Variants in LIG1 observed in about 807,000 individuals in gnomAD.
LIG1 encodes ligase I, DNA, ATP-dependent.
In LIG1, 70 loss-of-function variants were observed where a neutral mutation model predicts 115.7. That is an observed-to-expected ratio of 0.60 (90% CI 0.50 to 0.74). LIG1 has a LOEUF of 0.74. LIG1 is among the 30% of genes least tolerant of loss of function. The pLI is 0.00. For missense variants in LIG1, 1,115 were observed against 1,225.6 expected, an observed-to-expected ratio of 0.91 and a Z score of 1.35; for synonymous variants, 487 against 495.3, an observed-to-expected ratio of 0.98 and a Z score of 0.22.
chr19:48,131,681 C>T (rs1275251505), intron 18 of LIG1, among the ~76,000 whole-genome samples: 2 of 152,116 alleles, frequency 1.3e-5, no homozygotes, highest in East Asian at 1.9e-4. Context: ...TCAGGTGATC[C>T]GCCCACCTTA....
intron 6 of LIG1, among the ~76,000 whole-genome samples, 183 bp downstream of exon 6, chr19:48,153,684 ACACAC>A (rs2035622662): frequency 8.4e-6 from 1 of 118,968 alleles, no homozygotes; most frequent in Admixed American, 8.2e-5. Flanking sequence ...ACACACACAC[ACACAC>A]ACCTCTCCTT....
chr19:48,126,761 T>G (rs251699), intron 21 of LIG1, among the ~76,000 whole-genome samples: 42,496 of 148,942 alleles, frequency 0.29, 6,652 homozygotes, highest in East Asian at 0.53. Flanking sequence ...TTTTTTTTTT[T>G]GAATAGACAC....
rs1211879309 is a variant in LIG1, at chr19:48,122,473, C to T, written c.2232+461G>A. The T allele has an allele frequency of 7.7e-6, 2 of 259,442 alleles. No individual in the cohort carries two copies. Among genetic ancestry groups the T allele is most frequent in the South Asian group, 4.6e-5 (1 of 21,550 alleles). The allele number at this position is 259,442 out of a possible 1,614,324, so 16.1% of individuals were successfully genotyped here. A position where few individuals can be genotyped will look rare whatever the true frequency, so the allele number is the denominator to read the frequency against. On this transcript the variant is annotated intron_variant, in intron 23 of 27. Transcript: ENST00000263274. The surrounding 1 kb of genome is among the most constrained non-coding windows in gnomAD (Gnocchi z 4.3). ...TGCTCCTCCCTCAGGGTCTCTGCAC[C>T]GGGGGTTTTCCTCCCTAGTGCTCTG...
At chr19:48,130,823 T>C (rs1046332754) in intron 19 of LIG1, among the ~76,000 whole-genome samples, 5 of 152,134 alleles carry the variant, frequency 3.3e-5, no homozygotes, top group African/African-American at 1.2e-4. Flanking sequence ...GGGATAGAGG[T>C]AGCGATAAGC....
Position 48,165,625 on chromosome 19 carries a change from T to C in LIG1, c.-57-2A>G, listed in dbSNP as rs1429193455. 1 of 1,612,906 alleles carries C rather than the reference T, an allele frequency of 6.2e-7. No individual in the cohort carries two copies. The highest frequency in any genetic ancestry group is 1.7e-5 in the Admixed American group (1 of 59,966). On this transcript the variant is annotated splice_acceptor_variant, in intron 1 of 5. Coordinates refer to the LIG1 transcript ENST00000593425. LOFTEE classifies it low-confidence loss of function (5UTR_SPLICE). ...CTTTTCTTCGTCTGTCAGCTGCTCC[T>C]GGAACAGAAATCCAAACACTTGTTG...
intron 2 of LIG1, among the ~76,000 whole-genome samples, chr19:48,163,225 AT>A (rs34148826): frequency 0.48 from 71,396 of 148,296 alleles, 17,221 homozygotes; most frequent in East Asian, 0.68. Flanking sequence ...GCCTAAAAAA[AT>A]TTTTTTTTTT....
chr19:48,127,879 C>T, intron 20 of LIG1, 31 bp downstream of exon 20: 1 of 1,560,838 alleles, frequency 6.4e-7, no homozygotes, highest in Non-Finnish European at 8.8e-7. Flanking sequence ...AAGTACGGGG[C>T]CTTGGCAGGC....
At chr19:48,140,593 G>T (rs985269732) in intron 11 of LIG1, among the ~76,000 whole-genome samples, 2 of 152,162 alleles carry the variant, frequency 1.3e-5, no homozygotes, top group Non-Finnish European at 2.9e-5. Context: ...AGGTTTAGGG[G>T]TCACGCAGCC....
At chr19:48,138,449 G>A (rs566067965) in intron 12 of LIG1, among the ~76,000 whole-genome samples, 1 of 152,348 alleles carries the variant, frequency 6.6e-6, no homozygotes, top group East Asian at 1.9e-4. Flanking sequence ...ATGCTCAGCC[G>A]CGGCACAGAG....
chr19:48,164,695 T>C (rs1328026314), intron 2 of LIG1, among the ~76,000 whole-genome samples: 1 of 152,182 alleles, frequency 6.6e-6, no homozygotes, highest in Non-Finnish European at 1.5e-5. Flanking sequence ...GGAGGAAGTT[T>C]TGGCAACTGG....
intron 20 of LIG1, 158 bp from the exon 21 acceptor site, chr19:48,127,506 G>A (rs156640): frequency 1.9e-5 from 13 of 688,126 alleles, no homozygotes; most frequent in Non-Finnish European, 2.6e-5. Context: ...GTGCTGGATC[G>A]TTAACGGCTC....
At chr19:48,134,792 C>G (rs559896638) in intron 16 of LIG1, among the ~76,000 whole-genome samples, 15 of 152,368 alleles carry the variant, frequency 9.8e-5, no homozygotes, top group Middle Eastern at 3.4e-3. Flanking sequence ...GCTTGCTGCC[C>G]GGGCCTGTTC....
chr19:48,127,416 C>G, intron 20 of LIG1, 68 bp from the exon 21 acceptor site: 2 of 1,372,462 alleles, frequency 1.5e-6, no homozygotes, highest in Non-Finnish European at 2.0e-6. Context: ...CTGAGGCCGA[C>G]AGCATTCATC....
At chr19:48,120,815 CAA>C (rs1036020999) in intron 24 of LIG1, 7 of 576,760 alleles carry the variant, frequency 1.2e-5, no homozygotes, top group Non-Finnish European at 1.4e-5. Flanking sequence ...AATGTGGGGA[CAA>C]AAAAAAATGT....
At position 48,123,066 on chromosome 19, in the gene LIG1, G is replaced by T. The variant is rs369719038; in HGVS notation, c.2150-50C>A. ...CCTTGGGAAGCCCTGGCTCACAAGC[G>T]CCGGAGCAGGCAGGATTCTGGTCAA... On this transcript the variant is annotated intron_variant, in intron 22 of 27. Coordinates refer to ENST00000263274, the MANE Select transcript of LIG1 (RefSeq NM_000234.3). 6 of 1,610,400 alleles carry T rather than the reference G, an allele frequency of 3.7e-6. No homozygotes were observed. In the African/African-American group the frequency reaches 8.0e-5, roughly 22 times the overall value.
intron 6 of LIG1, among the ~76,000 whole-genome samples, chr19:48,153,167 C>T (rs114621875): frequency 0.028 from 4,059 of 146,306 alleles, 131 homozygotes; most frequent in Middle Eastern, 0.064. Flanking sequence ...TGCACTGTAG[C>T]CTGAGCGACA....
chr19:48,116,131 C>A, intron 26 of LIG1, 166 bp from the exon 27 acceptor site: 2 of 650,918 alleles, frequency 3.1e-6, no homozygotes. Context: ...AGTACCCGGG[C>A]ACAGTAAGTG....
Position 48,129,042 on chromosome 19 carries a change from G to C in LIG1, c.1822-1022C>G, listed in dbSNP as rs555920340. 3.4e-5 allele frequency among the ~76,000 whole-genome samples: 5 copies of C among 149,140 alleles called. No individual in the cohort carries two copies. In the East Asian group the frequency reaches 9.9e-4, roughly 30 times the overall value. The stretch of plus-strand genomic sequence containing the variant: ...CCCAAAGTGCTGGGATTATAGGCGT[G>C]AGCCACCACGCCTGGCCTCTTTTCT... On this transcript the variant is annotated intron_variant, in intron 19 of 27. Transcript: ENST00000263274.
intron 3 of LIG1, among the ~76,000 whole-genome samples, chr19:48,161,866 C>T (rs541590963): frequency 2.2e-5 from 3 of 137,034 alleles, no homozygotes; most frequent in Admixed American, 7.3e-5. Context: ...TGCTCTGTCG[C>T]CCAGGCTGGA....
Sources: gnomAD v4.1 joint callset for allele counts (sites outside exome capture counted in the v4.1 genomes callset) on GRCh38, gnomAD v4.1.1 for gene constraint, Gnocchi (gnomAD v3.1) non-coding constraint, MANE v1.5 for transcripts, NCBI Gene and HGNC (gene_info 2026-07-23, HGNC 2026-07-21) for gene names.